Variants in TNPO3 observed in about 807,000 individuals in gnomAD.
The protein encoded by TNPO3 is transportin-3.
TNPO3 carries 65 observed loss-of-function variants against 122.8 expected under a neutral mutation model. That is an observed-to-expected ratio of 0.53 (90% CI 0.43 to 0.65). The LOEUF (loss-of-function observed/expected upper bound fraction) is 0.65, where lower values mean the gene tolerates loss of function less well. Ranked by LOEUF, TNPO3 falls within the 30% of genes least tolerant of loss-of-function variation. TNPO3 has a pLI of 0.00. For missense variants in TNPO3, 850 were observed against 1,136.7 expected (o/e 0.75, Z 3.63); for synonymous variants, 372 against 411.2 (o/e 0.90, Z 1.15).
chr7:129,039,433 A>C (rs995220751), intron 1 of TNPO3, among the ~76,000 whole-genome samples: 3 of 152,032 alleles, frequency 2.0e-5, no homozygotes, highest in African/African-American at 7.2e-5. Context: ...GGTAGTGTGC[A>C]CCTGTAGTCC....
At chr7:128,993,675 G>T in intron 9 of TNPO3, 132 bp downstream of exon 9, 1 of 719,390 alleles carries the variant, frequency 1.4e-6, no homozygotes, top group Non-Finnish European at 2.3e-6. Context: ...CAGTGTGCTA[G>T]GCACTTGCAT....
At chr7:128,995,570 G>T (rs187339978) in intron 8 of TNPO3, among the ~76,000 whole-genome samples, 2 of 152,174 alleles carry the variant, frequency 1.3e-5, no homozygotes, top group African/African-American at 2.4e-5. Context: ...GAAATTACCC[G>T]CAAGGGAAAT....
chr7:128,960,086 A>G (rs1446211852), intron 21 of TNPO3, among the ~76,000 whole-genome samples: 2 of 152,220 alleles, frequency 1.3e-5, no homozygotes, highest in Non-Finnish European at 2.9e-5. Context: ...GTTTTGGTCA[A>G]TGATGGACTG....
rs577729583 is a variant in TNPO3, at chr7:128,975,664, A to G, written c.2178+155T>C. On this transcript the variant is annotated intron_variant, in intron 17 of 22. Coordinates refer to ENST00000265388, the MANE Select transcript of TNPO3 (RefSeq NM_012470.4). ...TCTCAAACAGGCCTGTTCAGAGAAC[A>G]ACTGGGAAGCTTCCACCTCCCTGTT... is the stretch of plus-strand genomic sequence containing the variant. Among the ~76,000 whole-genome samples, 7 of 139,256 alleles carry G rather than the reference A, an allele frequency of 5.0e-5. No individual in the cohort carries two copies. In the East Asian group the frequency reaches 1.6e-3, roughly 32 times the overall value. The allele number at this position is 139,256 out of a possible 152,430, so 91.4% of individuals were successfully genotyped here. A position where few individuals can be genotyped will look rare whatever the true frequency, so the allele number is the denominator to read the frequency against.
At chr7:128,982,735 A>G (rs1339102937) in intron 13 of TNPO3, among the ~76,000 whole-genome samples, 3 of 152,198 alleles carry the variant, frequency 2.0e-5, no homozygotes, top group African/African-American at 7.2e-5. Flanking sequence ...GCTTTGTAAT[A>G]TATTTTAAGC....
chr7:128,969,441 C>T (rs1299288344), intron 20 of TNPO3, among the ~76,000 whole-genome samples: 1 of 150,914 alleles, frequency 6.6e-6, no homozygotes, highest in Non-Finnish European at 1.5e-5. Flanking sequence ...TTAACTAGGT[C>T]CCAATGAGTA....
chr7:129,016,354 G>A (rs183123880), intron 3 of TNPO3, among the ~76,000 whole-genome samples: 5 of 151,958 alleles, frequency 3.3e-5, no homozygotes, highest in East Asian at 3.9e-4. Flanking sequence ...AGATCGCACC[G>A]TTGAACTCCA....
intron 4 of TNPO3, among the ~76,000 whole-genome samples, chr7:129,013,601 T>C (rs1563103094): frequency 1.3e-5 from 2 of 152,146 alleles, no homozygotes; most frequent in Non-Finnish European, 2.9e-5. Context: ...CCATACGATC[T>C]AGCAATCCCA....
intron 1 of TNPO3, among the ~76,000 whole-genome samples, chr7:129,020,135 C>T (rs1258741691): frequency 6.6e-6 from 1 of 151,930 alleles, no homozygotes; most frequent in African/African-American, 2.4e-5. Context: ...ACCACCCCTC[C>T]CGCCCCCCAC....
intron 5 of TNPO3, among the ~76,000 whole-genome samples, chr7:129,002,103 A>G (rs1276388683): frequency 1.3e-5 from 2 of 152,244 alleles, no homozygotes; most frequent in Admixed American, 1.3e-4. Flanking sequence ...GCATGCTAGT[A>G]AAGGAGAGCA....
At chr7:128,959,793 G>A (rs906795742) in intron 21 of TNPO3, among the ~76,000 whole-genome samples, 8 of 152,148 alleles carry the variant, frequency 5.3e-5, no homozygotes, top group African/African-American at 9.7e-5. Context: ...AGGCCAAGGC[G>A]GGTAGATCAC....
chr7:128,977,801 T>C (rs572188631), intron 16 of TNPO3, among the ~76,000 whole-genome samples: 18 of 152,256 alleles, frequency 1.2e-4, no homozygotes, highest in African/African-American at 4.3e-4. Context: ...TTTCACCATC[T>C]TGGCCAGGCT....
At position 129,014,981 on chromosome 7, in the gene TNPO3, A is replaced by G. The variant is rs757199066; in HGVS notation, c.550T>C (p.Leu184=). The change falls in exon 4 of 23, where the codon TTG becomes CTG. Residue 184 remains leucine, a splice_region_variant and synonymous_variant. Transcript: ENST00000265388. ...AFYSSTVVSL[L]MTCVEKAGTD... ...CTTAGTATTTCAAACTTACTCACCA[A>G]TAGAGATACTACTGTACTAGAGTAG... 1.0e-5 allele frequency: 16 copies of G among 1,588,150 alleles called. No homozygotes were observed. The Middle Eastern group carries it at 5.0e-4, about 49-fold the overall frequency.
chr7:128,978,520 A>G (rs960355830), intron 16 of TNPO3, among the ~76,000 whole-genome samples: 5 of 152,244 alleles, frequency 3.3e-5, no homozygotes, highest in African/African-American at 1.2e-4. Flanking sequence ...GCTACTATAC[A>G]GAAGCGATTT....
chr7:129,016,006 G>A (rs1265045293), intron 3 of TNPO3, among the ~76,000 whole-genome samples: 2 of 152,078 alleles, frequency 1.3e-5, no homozygotes, highest in Admixed American at 6.6e-5. Flanking sequence ...TTGAGCCCGG[G>A]AAGTCGAGGC....
chr7:129,050,639 A>G (rs1808644765), intron 1 of TNPO3, among the ~76,000 whole-genome samples: 1 of 152,136 alleles, frequency 6.6e-6, no homozygotes, highest in Non-Finnish European at 1.5e-5. Flanking sequence ...AGACAGGAGT[A>G]TCATGCTGAA....
At chr7:128,996,917 A>G (rs1381147534) in intron 8 of TNPO3, among the ~76,000 whole-genome samples, 1 of 152,094 alleles carries the variant, frequency 6.6e-6, no homozygotes, top group Admixed American at 6.6e-5. Context: ...TATAATTTTT[A>G]CTTTTACAGA....
At chr7:129,036,734 T>C (rs1806728442) in intron 1 of TNPO3, among the ~76,000 whole-genome samples, 1 of 152,106 alleles carries the variant, frequency 6.6e-6, no homozygotes. Context: ...AGCTGATTAA[T>C]ATATGCAAAG....
chr7:129,033,085 C>A (rs570272470), intron 1 of TNPO3, among the ~76,000 whole-genome samples: 14 of 152,236 alleles, frequency 9.2e-5, no homozygotes, highest in African/African-American at 3.4e-4. Flanking sequence ...CAAGACTACA[C>A]AATGGTGCTA....
Sources: allele counts gnomAD v4.1 joint callset (sites outside exome capture counted in the v4.1 genomes callset), GRCh38; gene constraint gnomAD v4.1.1; transcripts MANE v1.5; gene names NCBI Gene and HGNC (gene_info 2026-07-23, HGNC 2026-07-21).